NCKAP5: variants seen among roughly 807,000 people sequenced by gnomAD.
NCKAP5 encodes the protein NCK associated protein 5.
A neutral mutation model predicts 167.0 loss-of-function variants in NCKAP5; 92 were observed. The observed-to-expected ratio is 0.55, with a 90% confidence interval of 0.47 to 0.66. NCKAP5 has a LOEUF of 0.66. NCKAP5 is among the 30% of genes least tolerant of loss of function. The pLI is 0.00. For synonymous variants in NCKAP5, 891 were observed against 877.4 expected, an observed-to-expected ratio of 1.02 and a Z score of -0.27; for missense variants, 2,378 against 2,315.0, an observed-to-expected ratio of 1.03 and a Z score of -0.56.
chr2:133,366,700 T>C (rs1685478866), intron 3 of NCKAP5, among the ~76,000 whole-genome samples: 1 of 152,234 alleles, frequency 6.6e-6, no homozygotes, highest in African/African-American at 2.4e-5. Flanking sequence ...AGAAAAATTA[T>C]ACACAGTTCA....
chr2:132,761,864 A>T (rs1253513319), intron 16 of NCKAP5, among the ~76,000 whole-genome samples: 1 of 152,152 alleles, frequency 6.6e-6, no homozygotes, highest in South Asian at 2.1e-4. Context: ...ATGCATGTAC[A>T]TGTCAAGCCC....
At chr2:133,632,068 G>A in the NCKAP5 span, among the ~76,000 whole-genome samples, 40,450 of 152,118 alleles carry the variant, frequency 0.27, 8,355 homozygotes, top group African/African-American at 0.56. Context: ...CTGTCCCAAG[G>A]ATTGGAGTGG....
chr2:133,497,972 C>T (rs1021792087), intron 3 of NCKAP5, among the ~76,000 whole-genome samples: 5 of 152,186 alleles, frequency 3.3e-5, no homozygotes, highest in Admixed American at 2.0e-4. Context: ...CAGAGCCATG[C>T]GTATGTCTAA....
At position 132,784,748 on chromosome 2, in the gene NCKAP5, A is replaced by G; in HGVS notation, c.2063T>C (p.Val688Ala). 2 of 1,613,668 alleles carry G rather than the reference A, an allele frequency of 1.2e-6. No individual in the cohort carries two copies. The highest frequency in any genetic ancestry group is 1.1e-5 in the South Asian group (1 of 91,026). Residue 688 changes from valine to alanine, a missense_variant, in exon 14 of 20, where the codon GTT (valine) becomes GCT (alanine). Val to Ala is a moderately conservative substitution (Grantham distance 64). Transcript: ENST00000409261. ...AATCTCATTTCTGGTAACAGTGACA[A>G]CCCCAGTCTGGTGAGAGCTGAATTC... Reference protein sequence around the residue: ...PIEFSSHQTGVVTVTRNEISI... With the variant: ...PIEFSSHQTGAVTVTRNEISI...
intron 6 of NCKAP5, among the ~76,000 whole-genome samples, chr2:133,003,887 C>T (rs1370453940): frequency 1.3e-5 from 2 of 152,142 alleles, no homozygotes; most frequent in Non-Finnish European, 2.9e-5. Context: ...AAATTTTCTC[C>T]TAGGCAGGCT....
chr2:133,669,517 T>C, the NCKAP5 span, among the ~76,000 whole-genome samples: 1 of 152,190 alleles, frequency 6.6e-6, no homozygotes, highest in Non-Finnish European at 1.5e-5. Context: ...CCAGGTCCTC[T>C]TTCTTCAAAG....
intron 6 of NCKAP5, among the ~76,000 whole-genome samples, chr2:133,066,243 T>G (rs1183190354): frequency 6.6e-6 from 1 of 152,256 alleles, no homozygotes; most frequent in African/African-American, 2.4e-5. Flanking sequence ...TATTTAAAAA[T>G]TATGATTCAT....
At chr2:133,150,016 A>T (rs16857345) in intron 5 of NCKAP5, among the ~76,000 whole-genome samples, 1 of 152,122 alleles carries the variant, frequency 6.6e-6, no homozygotes, top group Non-Finnish European at 1.5e-5. Flanking sequence ...TTGACAGGAA[A>T]GGTGATTACA....
intron 5 of NCKAP5, among the ~76,000 whole-genome samples, chr2:133,208,452 G>A (rs149257321): frequency 7.3e-4 from 111 of 152,184 alleles, no homozygotes; most frequent in Non-Finnish European, 1.4e-3. Flanking sequence ...AAATCTAATC[G>A]TCAGAAAAAC....
chr2:132,921,213 A>T (rs1695403841), intron 8 of NCKAP5, among the ~76,000 whole-genome samples: 1 of 151,916 alleles, frequency 6.6e-6, no homozygotes, highest in African/African-American at 2.4e-5. Flanking sequence ...TGAACCCTTT[A>T]TCTCTCTCTC....
intron 2 of NCKAP5, among the ~76,000 whole-genome samples, chr2:133,545,850 T>C (rs1017638743): frequency 6.6e-6 from 1 of 152,146 alleles, no homozygotes; most frequent in African/African-American, 2.4e-5. Flanking sequence ...CCCAATGACA[T>C]TGGAGAAAAT....
intron 19 of NCKAP5, among the ~76,000 whole-genome samples, chr2:132,696,406 T>C (rs1687314103): frequency 6.6e-6 from 1 of 152,250 alleles, no homozygotes; most frequent in Non-Finnish European, 1.5e-5. Flanking sequence ...AGACTACTGC[T>C]TATTGAATAC....
At chr2:132,976,879 A>G (rs1464749094) in intron 7 of NCKAP5, among the ~76,000 whole-genome samples, 2 of 152,158 alleles carry the variant, frequency 1.3e-5, no homozygotes, top group South Asian at 2.1e-4. Flanking sequence ...TCAATATCAT[A>G]TCATTTTTGT....
intron 11 of NCKAP5, among the ~76,000 whole-genome samples, chr2:132,837,549 T>C (rs909965357): frequency 3.3e-5 from 5 of 149,330 alleles, no homozygotes; most frequent in African/African-American, 1.3e-4. Context: ...GATCTCTTTG[T>C]ATAGTACAAT....
chr2:132,962,964 A>G (rs2076561641), intron 8 of NCKAP5, among the ~76,000 whole-genome samples: 1 of 152,034 alleles, frequency 6.6e-6, no homozygotes, highest in Non-Finnish European at 1.5e-5. Flanking sequence ...GCGTTTTTAG[A>G]TGTTGGGTGA....
rs182241781 is a variant in NCKAP5, at chr2:132,957,320, A to G, written c.579+6400T>C. On this transcript the variant is annotated intron_variant, in intron 8 of 19. Coordinates refer to ENST00000409261, the MANE Select transcript of NCKAP5 (RefSeq NM_207363.3). Reference sequence around the variant, plus strand: ...CTTTTTTCCTTGTATTCCACATCCAATGGATCCGTAATTCCTAATAGACCT... The same window carrying G: ...CTTTTTTCCTTGTATTCCACATCCAGTGGATCCGTAATTCCTAATAGACCT... Among the ~76,000 whole-genome samples the G allele has an allele frequency of 7.8e-4, 119 of 152,268 alleles. 1 individual carries two copies. Among genetic ancestry groups the G allele is most frequent in the Admixed American group, 6.9e-3 (105 of 15,292 alleles).
At chr2:133,438,390 C>T (rs1451421998) in intron 3 of NCKAP5, among the ~76,000 whole-genome samples, 1 of 152,188 alleles carries the variant, frequency 6.6e-6, no homozygotes, top group African/African-American at 2.4e-5. Flanking sequence ...GAAAGCTTTG[C>T]ATAAATAAAT....
chr2:133,260,793 C>T (rs2088868815), intron 4 of NCKAP5, among the ~76,000 whole-genome samples: 1 of 152,158 alleles, frequency 6.6e-6, no homozygotes, highest in Non-Finnish European at 1.5e-5. Context: ...CAAGCTGATA[C>T]AAATTTGCAT....
chr2:132,803,878 A>G (rs1156850900), intron 11 of NCKAP5, among the ~76,000 whole-genome samples: 1 of 152,204 alleles, frequency 6.6e-6, no homozygotes, highest in East Asian at 1.9e-4. Context: ...AAAGGAGAAA[A>G]AAATACAAGA....
Sources: gnomAD v4.1 joint callset for allele counts (sites outside exome capture counted in the v4.1 genomes callset) on GRCh38, gnomAD v4.1.1 for gene constraint, MANE v1.5 for transcripts, NCBI Gene and HGNC (gene_info 2026-07-23, HGNC 2026-07-21) for gene names.